Variants in ARHGAP15 observed in about 807,000 individuals in gnomAD.
The protein encoded by ARHGAP15 is Rho GTPase activating protein 15.
Under a neutral mutation model 63.7 loss-of-function variants are expected in ARHGAP15, and 51 were observed. That is an observed-to-expected ratio of 0.80 (90% confidence interval 0.64 to 1.01). The LOEUF is 1.01. Among genes scored for constraint, ARHGAP15 ranks in the 50% least tolerant of loss-of-function variants. ARHGAP15 has a pLI of 0.00. For missense variants in ARHGAP15, 560 were observed against 564.6 expected, an observed-to-expected ratio of 0.99 and a Z score of 0.08; for synonymous variants, 191 against 193.8, an observed-to-expected ratio of 0.99 and a Z score of 0.12.
chr2:143,394,589 T>C (rs1574385530), intron 6 of ARHGAP15, among the ~76,000 whole-genome samples: 4 of 152,292 alleles, frequency 2.6e-5, no homozygotes, highest in African/African-American at 9.6e-5. Context: ...TAATGACTAG[T>C]ACTGTCTTCT....
intron 9 of ARHGAP15, 21 bp downstream of exon 9, chr2:143,487,516 G>T (rs1692381378): frequency 3.1e-6 from 5 of 1,605,722 alleles, no homozygotes; most frequent in Admixed American, 3.4e-5. Flanking sequence ...TTTTATACTT[G>T]TACTATAACT....
At chr2:143,676,958 G>C (rs190103596) in intron 12 of ARHGAP15, among the ~76,000 whole-genome samples, 1 of 152,330 alleles carries the variant, frequency 6.6e-6, no homozygotes. Context: ...AATGATGTGT[G>C]CCTATAATTA....
intron 6 of ARHGAP15, among the ~76,000 whole-genome samples, chr2:143,379,279 A>G (rs1336263781): frequency 1.3e-5 from 2 of 152,004 alleles, no homozygotes; most frequent in Non-Finnish European, 2.9e-5. Context: ...GTTGTTGCTG[A>G]TCAGTGCTTG....
chr2:143,388,781 C>G (rs531167887), intron 6 of ARHGAP15, among the ~76,000 whole-genome samples: 1 of 151,920 alleles, frequency 6.6e-6, no homozygotes, highest in Admixed American at 6.6e-5. Context: ...AATTTAATTG[C>G]GTGTCCAATG....
intron 6 of ARHGAP15, among the ~76,000 whole-genome samples, chr2:143,350,387 T>A (rs111964304): frequency 6.6e-6 from 1 of 151,786 alleles, no homozygotes; most frequent in South Asian, 2.1e-4. Context: ...GAAAACTGTT[T>A]GCCTTTTTAA....
intron 11 of ARHGAP15, among the ~76,000 whole-genome samples, chr2:143,620,260 A>G (rs1324086967): frequency 6.6e-6 from 1 of 152,200 alleles, no homozygotes; most frequent in African/African-American, 2.4e-5. Context: ...CCAGTCCTGG[A>G]GTGGGTGTTT....
chr2:143,512,451 G>T (rs1693631663), intron 9 of ARHGAP15, among the ~76,000 whole-genome samples: 1 of 152,206 alleles, frequency 6.6e-6, no homozygotes, highest in South Asian at 2.1e-4. Context: ...ATCTCAGGGT[G>T]TTCTTGCCAG....
At chr2:143,412,902 G>A (rs1688502399) in intron 6 of ARHGAP15, among the ~76,000 whole-genome samples, 2 of 151,916 alleles carry the variant, frequency 1.3e-5, no homozygotes, top group African/African-American at 4.8e-5. Flanking sequence ...GACCTATTCA[G>A]TTTATTTTTC....
At chr2:143,628,804 G>A (rs1194177292) in intron 12 of ARHGAP15, among the ~76,000 whole-genome samples, 3 of 152,130 alleles carry the variant, frequency 2.0e-5, no homozygotes, top group Non-Finnish European at 4.4e-5. Context: ...TACTTAAAAT[G>A]GTTTCTGTTT....
At chr2:143,691,129 ATTTTG>A (rs1483477911) in intron 12 of ARHGAP15, among the ~76,000 whole-genome samples, 2 of 152,174 alleles carry the variant, frequency 1.3e-5, no homozygotes, top group African/African-American at 2.4e-5. Context: ...AATTGTGCAG[ATTTTG>A]TTTTCAGTGA....
intron 11 of ARHGAP15, among the ~76,000 whole-genome samples, chr2:143,570,228 G>A (rs1696397706): frequency 6.6e-6 from 1 of 152,084 alleles, no homozygotes; most frequent in East Asian, 1.9e-4. Context: ...TAAAGAAAGG[G>A]CTTATCTCAA....
Position 143,201,118 on chromosome 2 carries a change from A to AT in ARHGAP15, c.166-1007dup, listed in dbSNP as rs994179107. On this transcript the variant is annotated intron_variant, in intron 2 of 13. Coordinates refer to ENST00000295095, the MANE Select transcript of ARHGAP15 (RefSeq NM_018460.4). ...CGGGAGTTCTTTTTTTTTAATTTTT[A>AT]TTTTTTTTTAGAGTGGGGTCTCACT... Among the ~76,000 whole-genome samples the AT allele has an allele frequency of 1.4e-4, 21 of 149,626 alleles. 1 individual carries two copies. The highest frequency in any genetic ancestry group is 4.2e-4 in the African/African-American group (17 of 40,750).
At position 143,591,418 on chromosome 2, in the gene ARHGAP15, C is replaced by T. The variant is rs1184361861; in HGVS notation, c.1004-32715C>T. On this transcript the variant is annotated intron_variant, in intron 11 of 13. Coordinates refer to ENST00000295095, the MANE Select transcript of ARHGAP15 (RefSeq NM_018460.4). ...CACAGTGGTTTGGGGTAAATTCATG[C>T]CATGCTGTGCAAAAGTGGCACAGCC... is the stretch of plus-strand genomic sequence containing the variant. 2.0e-5 allele frequency among the ~76,000 whole-genome samples: 3 copies of T among 152,196 alleles called. No individual in the cohort carries two copies. The East Asian group carries it at 5.8e-4, about 29-fold the overall frequency.
At chr2:143,420,953 G>C (rs2105051425) in intron 6 of ARHGAP15, among the ~76,000 whole-genome samples, 1 of 152,268 alleles carries the variant, frequency 6.6e-6, no homozygotes, top group East Asian at 1.9e-4. Flanking sequence ...CCCAGATCTT[G>C]TATCATGGTG....
chr2:143,565,992 T>G (rs1395364185), intron 11 of ARHGAP15, among the ~76,000 whole-genome samples: 2 of 152,170 alleles, frequency 1.3e-5, no homozygotes, highest in Non-Finnish European at 2.9e-5. Context: ...CCCCATGTAC[T>G]TTGGAAACAT....
intron 6 of ARHGAP15, among the ~76,000 whole-genome samples, chr2:143,401,580 A>T (rs1687990204): frequency 6.6e-6 from 1 of 152,052 alleles, no homozygotes; most frequent in Non-Finnish European, 1.5e-5. Context: ...CTGTAGACAT[A>T]TGCAGTTTTC....
chr2:143,728,894 A>G (rs189201479), intron 13 of ARHGAP15, among the ~76,000 whole-genome samples: 111 of 152,334 alleles, frequency 7.3e-4, no homozygotes, highest in African/African-American at 2.6e-3. Context: ...AAATGCTTGA[A>G]AAATCATTAT....
chr2:143,634,101 C>T (rs527430500), intron 12 of ARHGAP15, among the ~76,000 whole-genome samples: 2 of 152,226 alleles, frequency 1.3e-5, no homozygotes, highest in African/African-American at 4.8e-5. Context: ...TCTGGTCACC[C>T]ACAAGGTCTC....
chr2:143,451,149 G>A (rs1690389532), intron 8 of ARHGAP15, among the ~76,000 whole-genome samples: 1 of 151,630 alleles, frequency 6.6e-6, no homozygotes, highest in Non-Finnish European at 1.5e-5. Flanking sequence ...AATTCAGCAG[G>A]GACGGAAATA....
Sources: gnomAD v4.1 joint callset for allele counts (sites outside exome capture counted in the v4.1 genomes callset) on GRCh38, gnomAD v4.1.1 for gene constraint, MANE v1.5 for transcripts, NCBI Gene and HGNC (gene_info 2026-07-23, HGNC 2026-07-21) for gene names.